The following CLSTN2 variants were observed in gnomAD, a reference collection of about 807,000 sequenced individuals.
The protein encoded by CLSTN2 is calsyntenin 2.
In CLSTN2, 48 loss-of-function variants were observed where a neutral mutation model predicts 101.2. That is an observed-to-expected ratio of 0.47 (90% CI 0.38 to 0.60). The LOEUF (loss-of-function observed/expected upper bound fraction) is 0.60. Among genes scored for constraint, CLSTN2 ranks in the 20% least tolerant of loss-of-function variants. The pLI is 0.00. For missense variants in CLSTN2, 1,160 were observed against 1,238.2 expected, an observed-to-expected ratio of 0.94 and a Z score of 0.95; for synonymous variants, 481 against 463.6, an observed-to-expected ratio of 1.04 and a Z score of -0.48.
intron 5 of CLSTN2, among the ~76,000 whole-genome samples, chr3:140,437,309 A>G (rs2088698748): frequency 6.6e-6 from 1 of 152,024 alleles, no homozygotes; most frequent in South Asian, 2.1e-4. Flanking sequence ...CAGCCTCCCA[A>G]AGTGCTGGGA....
intron 2 of CLSTN2, among the ~76,000 whole-genome samples, chr3:140,252,238 A>C (rs1417643727): frequency 6.6e-6 from 1 of 152,228 alleles, no homozygotes; most frequent in Non-Finnish European, 1.5e-5. Flanking sequence ...TAGTGATATG[A>C]GACCAGAAGG....
chr3:140,115,723 C>T (rs1191690624), intron 1 of CLSTN2, among the ~76,000 whole-genome samples: 1 of 152,186 alleles, frequency 6.6e-6, no homozygotes, highest in Non-Finnish European at 1.5e-5. Context: ...TGTCATGCCC[C>T]AAGAGATGGG....
At chr3:140,522,790 A>C (rs1405998520) in intron 8 of CLSTN2, among the ~76,000 whole-genome samples, 1 of 151,964 alleles carries the variant, frequency 6.6e-6, no homozygotes, top group African/African-American at 2.4e-5. Flanking sequence ...CCTTTCTGAA[A>C]TTTTTATTCA....
At chr3:140,425,087 G>GTACC (rs2088550975) in intron 5 of CLSTN2, among the ~76,000 whole-genome samples, 1 of 152,152 alleles carries the variant, frequency 6.6e-6, no homozygotes, top group Non-Finnish European at 1.5e-5. Context: ...TTGAATTCTG[G>GTACC]TACCTGTTCT....
Position 140,370,329 on chromosome 3 carries a change from G to A in CLSTN2, c.233-33300G>A, listed in dbSNP as rs532670416. Among the ~76,000 whole-genome samples, 12 of 152,320 alleles carry A rather than the reference G, an allele frequency of 7.9e-5. No homozygotes were observed. In the East Asian group the frequency reaches 2.3e-3, roughly 29 times the overall value. On this transcript the variant is annotated intron_variant, in intron 2 of 16. Coordinates refer to ENST00000458420, the MANE Select transcript of CLSTN2 (RefSeq NM_022131.3). Reference sequence around the variant, plus strand: ...AGTCTTGTTAAGGTCAATAGTCATGGGATTGAAGTACAGTCCAGGATGGAA... The same window carrying A: ...AGTCTTGTTAAGGTCAATAGTCATGAGATTGAAGTACAGTCCAGGATGGAA...
At chr3:140,120,966 G>A (rs2009331394) in intron 1 of CLSTN2, among the ~76,000 whole-genome samples, 1 of 152,204 alleles carries the variant, frequency 6.6e-6, no homozygotes, top group Non-Finnish European at 1.5e-5. Flanking sequence ...TCATCTACTA[G>A]TGTGAAATCA....
chr3:140,329,987 G>C (rs955401202), intron 2 of CLSTN2, among the ~76,000 whole-genome samples: 1 of 152,238 alleles, frequency 6.6e-6, no homozygotes, highest in African/African-American at 2.4e-5. Context: ...TGTGATGCCA[G>C]CACCTTTATT....
intron 2 of CLSTN2, among the ~76,000 whole-genome samples, chr3:140,283,838 C>T (rs915681408): frequency 3.3e-5 from 5 of 152,176 alleles, no homozygotes; most frequent in African/African-American, 1.2e-4. Context: ...TGCTTCTCCC[C>T]TTTAAAGCTT....
chr3:140,561,625 T>A (rs1227486599), intron 12 of CLSTN2, among the ~76,000 whole-genome samples: 1 of 152,210 alleles, frequency 6.6e-6, no homozygotes, highest in African/African-American at 2.4e-5. Flanking sequence ...ACATTAAGGA[T>A]TCAATCATAA....
In CLSTN2 at chr3:139,935,554, G is replaced by T; in HGVS notation, c.109+71G>T. On this transcript the variant is annotated intron_variant, in intron 1 of 16. Coordinates refer to ENST00000458420, the MANE Select transcript of CLSTN2 (RefSeq NM_022131.3). The surrounding 1 kb of genome is among the most constrained non-coding windows in gnomAD (Gnocchi z 5.5). ...CAGGCTTGAGGGTGAAAGCGGCAAG[G>T]ACCTAGGCTCAAGCTGGATTTGCCC... 1 of 794,168 alleles carries T rather than the reference G, an allele frequency of 1.3e-6. No homozygotes were observed. The highest frequency in any genetic ancestry group is 6.6e-5 in the South Asian group (1 of 15,132). The allele number at this position is 794,168 out of a possible 1,614,324, so 49.2% of individuals were successfully genotyped here. A position where few individuals can be genotyped will look rare whatever the true frequency, so the allele number is the denominator to read the frequency against.
At chr3:140,027,251 T>A (rs1460252086) in intron 1 of CLSTN2, among the ~76,000 whole-genome samples, 1 of 152,164 alleles carries the variant, frequency 6.6e-6, no homozygotes, top group Non-Finnish European at 1.5e-5. Flanking sequence ...AATATAGCCT[T>A]GTTTGGAAAG....
chr3:140,547,506 G>GA (rs1034246337), intron 10 of CLSTN2, among the ~76,000 whole-genome samples: 22 of 151,572 alleles, frequency 1.5e-4, no homozygotes, highest in Non-Finnish European at 2.2e-4. Context: ...AGAAGAAAAA[G>GA]AAAAAAAACA....
intron 2 of CLSTN2, among the ~76,000 whole-genome samples, chr3:140,305,028 AC>A (rs2087098397): frequency 9.4e-6 from 1 of 106,126 alleles, no homozygotes; most frequent in Non-Finnish European, 2.2e-5. Flanking sequence ...ACAGAGACAC[AC>A]ACACACACAC....
intron 5 of CLSTN2, among the ~76,000 whole-genome samples, chr3:140,433,382 G>A (rs1323000924): frequency 6.6e-6 from 1 of 152,212 alleles, no homozygotes; most frequent in Non-Finnish European, 1.5e-5. Flanking sequence ...GTTATGTAGA[G>A]AGGTGGAACC....
At chr3:140,258,934 G>GGAACACAC (rs2086626064) in intron 2 of CLSTN2, among the ~76,000 whole-genome samples, 1 of 152,128 alleles carries the variant, frequency 6.6e-6, no homozygotes. Context: ...TATATATGCA[G>GGAACACAC]ATATGTAAGT....
At chr3:140,297,840 A>G (rs758242822) in intron 2 of CLSTN2, among the ~76,000 whole-genome samples, 1 of 152,152 alleles carries the variant, frequency 6.6e-6, no homozygotes, top group Non-Finnish European at 1.5e-5. Context: ...TGATGGCTCA[A>G]CCTAATACAG....
chr3:140,229,551 C>G (rs1188470365), intron 2 of CLSTN2, among the ~76,000 whole-genome samples: 1 of 151,752 alleles, frequency 6.6e-6, no homozygotes. Context: ...TTGTCTTCCA[C>G]TTGACAAAGC....
At chr3:139,949,237 A>G (rs1219556692) in intron 1 of CLSTN2, among the ~76,000 whole-genome samples, 1 of 152,170 alleles carries the variant, frequency 6.6e-6, no homozygotes, top group African/African-American at 2.4e-5. Flanking sequence ...CCTTCTTCCC[A>G]GGTTCTCAGA....
At chr3:139,936,624 C>T (rs1298991118) in intron 1 of CLSTN2, among the ~76,000 whole-genome samples, 3 of 152,160 alleles carry the variant, frequency 2.0e-5, no homozygotes, top group Non-Finnish European at 4.4e-5. Context: ...CTTTGAGCTA[C>T]ACTTGACCAC....
Sources: gnomAD v4.1 joint callset for allele counts (sites outside exome capture counted in the v4.1 genomes callset) on GRCh38, gnomAD v4.1.1 for gene constraint, Gnocchi (gnomAD v3.1) non-coding constraint, MANE v1.5 for transcripts, NCBI Gene and HGNC (gene_info 2026-07-23, HGNC 2026-07-21) for gene names.